FLI1: variants seen among roughly 807,000 people sequenced by gnomAD.
FLI1 encodes the protein Friend leukemia integration 1 transcription factor.
A neutral mutation model predicts 53.1 loss-of-function variants in FLI1; 13 were observed. The observed-to-expected ratio is 0.24, with a 90% confidence interval of 0.16 to 0.39. The LOEUF is 0.39. Ranked by LOEUF, FLI1 falls within the 10% of genes least tolerant of loss-of-function variation. The pLI is 1.00. For missense variants in FLI1, 424 were observed against 600.5 expected (o/e 0.71, Z 3.07); for synonymous variants, 244 against 236.7 (o/e 1.03, Z -0.28).
chr11:128,770,410 G>A (rs973677673), intron 3 of FLI1, among the ~76,000 whole-genome samples: 2 of 152,292 alleles, frequency 1.3e-5, no homozygotes, highest in Middle Eastern at 3.4e-3. Flanking sequence ...CACAAATCAA[G>A]GCAATAAAAT....
rs1942942362 is a variant in FLI1 at position 128,811,747 on chromosome 11, G to A, written c.*759G>A. The A allele has an allele frequency of 4.9e-6, 1 of 203,642 alleles. No individual in the cohort carries two copies. The highest frequency in any genetic ancestry group is 1.9e-4 in the South Asian group (1 of 5,244). 12.6% of individuals were successfully genotyped at this position (203,642 alleles called of 1,614,324 possible). A position where few individuals can be genotyped will look rare whatever the true frequency, so the allele number is the denominator to read the frequency against. Reference sequence around the variant, plus strand: ...TCCCAGAACTTGGAAAAGTTGTAGGGATTTCTAAACTCAAGCAGATTCGCA... The same window carrying A: ...TCCCAGAACTTGGAAAAGTTGTAGGAATTTCTAAACTCAAGCAGATTCGCA... On this transcript the variant is annotated 3_prime_UTR_variant, in exon 9 of 9. Transcript: ENST00000527786.
At position 128,812,522 on chromosome 11, in the gene FLI1, C is replaced by T. The variant is rs1404161190; in HGVS notation, c.*1534C>T. On this transcript the variant is annotated 3_prime_UTR_variant, in exon 9 of 9. Transcript: ENST00000527786. The stretch of plus-strand genomic sequence containing the variant: ...CACTATCAAGAATTTTTCGAATGTA[C>T]CTACTGCAGTACAGCAGAAGGTAAA... 1 of 224,652 alleles carries T rather than the reference C, an allele frequency of 4.5e-6. No homozygotes were observed. Among genetic ancestry groups the T allele is most frequent in the Non-Finnish European group, 8.9e-6 (1 of 112,720 alleles). 13.9% of individuals were successfully genotyped at this position (224,652 alleles called of 1,614,324 possible).
At chr11:128,699,243 C>T (rs543370431) in intron 1 of FLI1, among the ~76,000 whole-genome samples, 3 of 152,142 alleles carry the variant, frequency 2.0e-5, no homozygotes, top group African/African-American at 4.8e-5. Flanking sequence ...GTTTAAAAAA[C>T]AGTTGATTTA....
intron 5 of FLI1, among the ~76,000 whole-genome samples, chr11:128,803,037 A>G (rs911428987): frequency 1.3e-5 from 2 of 152,240 alleles, no homozygotes; most frequent in Admixed American, 6.5e-5. Flanking sequence ...CTAATGATTG[A>G]GCAGAAAAAA....
chr11:128,691,314 T>C (rs777185854), upstream of FLI1, among the ~76,000 whole-genome samples: 7 of 152,122 alleles, frequency 4.6e-5, no homozygotes, highest in Non-Finnish European at 1.0e-4. Context: ...AAAGCAGCAG[T>C]AGCAGTGGAG....
intron 5 of FLI1, among the ~76,000 whole-genome samples, chr11:128,785,939 G>T (rs1267292772): frequency 6.6e-6 from 1 of 152,202 alleles, no homozygotes; most frequent in African/African-American, 2.4e-5. Flanking sequence ...GCATAGCATT[G>T]TGAATGTACT....
At chr11:128,688,835 TCA>T (rs1937631757) in intron 1 of FLI1, among the ~76,000 whole-genome samples, 3 of 152,212 alleles carry the variant, frequency 2.0e-5, no homozygotes, top group Non-Finnish European at 1.5e-5. Flanking sequence ...TAGCTACCTC[TCA>T]GATCTTACCT....
At chr11:128,716,445 T>C (rs1043040500) in intron 1 of FLI1, among the ~76,000 whole-genome samples, 1 of 152,176 alleles carries the variant, frequency 6.6e-6, no homozygotes, top group African/African-American at 2.4e-5. Flanking sequence ...TTCTCCAACC[T>C]CTGTTTTCTA....
At chr11:128,691,657 G>A (rs1017131078), upstream of FLI1, 1 of 152,250 alleles carries the variant, frequency 6.6e-6, no homozygotes, top group Non-Finnish European at 1.5e-5. Flanking sequence ...CAGAAAGTGC[G>A]ATGGAGTTCC....
At chr11:128,769,439 A>T (rs540516933) in intron 3 of FLI1, among the ~76,000 whole-genome samples, 40 of 152,212 alleles carry the variant, frequency 2.6e-4, no homozygotes, top group Non-Finnish European at 4.9e-4. Flanking sequence ...TCTTTGAGGT[A>T]GTCCGAAGGC....
chr11:128,764,327 A>C (rs1260970878), intron 2 of FLI1, among the ~76,000 whole-genome samples: 3 of 152,232 alleles, frequency 2.0e-5, no homozygotes, highest in African/African-American at 7.2e-5. Context: ...GAACTCGAGG[A>C]GTCAAGAGCT....
At chr11:128,809,039 A>C in intron 7 of FLI1, 118 bp from the exon 8 acceptor site, 1 of 727,502 alleles carries the variant, frequency 1.4e-6, no homozygotes, top group South Asian at 2.1e-5. Context: ...GTTTTCTGAA[A>C]TCAGTCTTTC....
intron 5 of FLI1, among the ~76,000 whole-genome samples, chr11:128,799,808 G>A (rs1185399490): frequency 6.6e-6 from 1 of 152,212 alleles, no homozygotes; most frequent in African/African-American, 2.4e-5. Context: ...GCAGGATGAA[G>A]GAACGCTTAG....
At chr11:128,758,697 AC>A (rs1940993720) in intron 2 of FLI1, among the ~76,000 whole-genome samples, 1 of 152,060 alleles carries the variant, frequency 6.6e-6, no homozygotes, top group Admixed American at 6.6e-5. Context: ...AAGATACTTA[AC>A]CCCTCTGGGC....
At chr11:128,731,061 G>C (rs1298295711) in intron 1 of FLI1, among the ~76,000 whole-genome samples, 1 of 152,230 alleles carries the variant, frequency 6.6e-6, no homozygotes, top group African/African-American at 2.4e-5. Context: ...CGTGAAAGAA[G>C]TTCATAATAA....
At chr11:128,797,988 C>A (rs1442063337) in intron 5 of FLI1, among the ~76,000 whole-genome samples, 1 of 151,976 alleles carries the variant, frequency 6.6e-6, no homozygotes, top group Non-Finnish European at 1.5e-5. Context: ...AGAGTGTATC[C>A]CCTATGGCCA....
chr11:128,760,187 C>T (rs555658686), intron 2 of FLI1, among the ~76,000 whole-genome samples: 16 of 152,340 alleles, frequency 1.1e-4, no homozygotes, highest in African/African-American at 3.8e-4. Context: ...TATCTTACCA[C>T]TTGTTCCTCA....
chr11:128,732,516 T>C (rs1939741360), intron 1 of FLI1, among the ~76,000 whole-genome samples: 1 of 152,186 alleles, frequency 6.6e-6, no homozygotes, highest in African/African-American at 2.4e-5. Flanking sequence ...TGTAGTCCAA[T>C]GGGAGAGCGA....
chr11:128,797,792 A>G (rs1317465087), intron 5 of FLI1, among the ~76,000 whole-genome samples: 1 of 152,166 alleles, frequency 6.6e-6, no homozygotes, highest in Non-Finnish European at 1.5e-5. Context: ...GAGAGAAACA[A>G]AGGTGCTTAA....
Sources: gnomAD v4.1 joint callset for allele counts (sites outside exome capture counted in the v4.1 genomes callset) on GRCh38, gnomAD v4.1.1 for gene constraint, MANE v1.5 for transcripts, NCBI Gene and HGNC (gene_info 2026-07-23, HGNC 2026-07-21) for gene names.